The following GRK4 variants were observed in gnomAD, a reference collection of about 807,000 sequenced individuals.
GRK4 encodes G protein-coupled receptor kinase 4.
GRK4 carries 73 observed loss-of-function variants against 77.9 expected under a neutral mutation model. The ratio of observed to expected loss-of-function variants is 0.94; its 90% CI spans 0.78 to 1.14. GRK4 has a LOEUF of 1.14. Ranked by LOEUF, GRK4 falls within the 50% of genes most tolerant of loss-of-function variation. The pLI is 0.00. For missense variants in GRK4, 729 were observed against 700.2 expected, an observed-to-expected ratio of 1.04 and a Z score of -0.46; for synonymous variants, 257 against 254.4, an observed-to-expected ratio of 1.01 and a Z score of -0.10.
intron 10 of GRK4, among the ~76,000 whole-genome samples, chr4:3,026,558 T>G (rs1474338653): frequency 1.3e-5 from 2 of 152,120 alleles, no homozygotes; most frequent in Non-Finnish European, 2.9e-5. Flanking sequence ...GACCAAACCC[T>G]GTCTCTACAA....
At chr4:3,016,841 G>C (rs1734686961) in intron 8 of GRK4, among the ~76,000 whole-genome samples, 1 of 152,170 alleles carries the variant, frequency 6.6e-6, no homozygotes, top group African/African-American at 2.4e-5. Context: ...TTGCTTAAAT[G>C]CTTTGATTTC....
chr4:2,965,363 G>A (rs1422855145), intron 1 of GRK4: 1 of 703,044 alleles, frequency 1.4e-6, no homozygotes, highest in Admixed American at 2.0e-5. Flanking sequence ...TCTCAAGAGA[G>A]CTGGCGACAG....
At chr4:3,026,520 A>G (rs1737617172) in intron 10 of GRK4, among the ~76,000 whole-genome samples, 1 of 152,228 alleles carries the variant, frequency 6.6e-6, no homozygotes, top group Non-Finnish European at 1.5e-5. Flanking sequence ...GCTTGAGCCC[A>G]GGAGTTCAAG....
chr4:3,019,789 G>A lies in GRK4; in HGVS notation c.890G>A (p.Cys297Tyr), dbSNP rs150897108. 11 of 1,614,058 alleles carry A rather than the reference G, an allele frequency of 6.8e-6. No individual in the cohort carries two copies. The South Asian group carries it at 1.1e-4, about 16-fold the overall frequency. ...QRAVFYAAEL[C>Y]CGLEDLQRER... ...GCCGTTTTCTATGCTGCAGAGCTGT[G>A]TTGCGGCTTGGAAGATTTACAGAGG... Residue 297 changes from cysteine (C) to tyrosine (Y), a missense_variant, in exon 9 of 16, where the codon TGT (cysteine) becomes TAT (tyrosine). Coordinates refer to ENST00000398052, the MANE Select transcript of GRK4 (RefSeq NM_182982.3).
chr4:2,983,260 C>T (rs147935074), intron 1 of GRK4, among the ~76,000 whole-genome samples: 20 of 152,326 alleles, frequency 1.3e-4, no homozygotes, highest in South Asian at 1.0e-3. Flanking sequence ...CAGAGCTCAT[C>T]GTGTTCCAAG....
chr4:3,035,742 T>C (rs1740451965), intron 13 of GRK4, among the ~76,000 whole-genome samples: 1 of 152,044 alleles, frequency 6.6e-6, no homozygotes, highest in South Asian at 2.1e-4. Context: ...TTTTTTGTTT[T>C]TTTTTGTTTT....
intron 1 of GRK4, among the ~76,000 whole-genome samples, chr4:2,967,172 T>A (rs189625906): frequency 6.6e-6 from 1 of 152,350 alleles, no homozygotes; most frequent in Admixed American, 6.5e-5. Flanking sequence ...GATCTTGGAC[T>A]TTTTAGCTTC....
intron 5 of GRK4, 75 bp downstream of exon 5, chr4:3,004,409 T>C (rs1730708726): frequency 1.1e-6 from 1 of 947,676 alleles, no homozygotes; most frequent in Non-Finnish European, 1.7e-6. Flanking sequence ...AGGAGGTTTC[T>C]CTGCATAAGA....
chr4:3,025,602 C>T (rs1578338369), intron 10 of GRK4, among the ~76,000 whole-genome samples: 1 of 151,762 alleles, frequency 6.6e-6, no homozygotes, highest in East Asian at 2.0e-4. Context: ...CCGTGTTAGC[C>T]AGGATGGTCT....
chr4:3,014,625 C>G (rs1439658043), intron 8 of GRK4, among the ~76,000 whole-genome samples: 3 of 152,028 alleles, frequency 2.0e-5, no homozygotes, highest in Non-Finnish European at 4.4e-5. Context: ...GAAATCCCGT[C>G]TCTACTAAAA....
chr4:3,022,288 C>T, intron 9 of GRK4, 126 bp from the exon 10 acceptor site: 5 of 770,510 alleles, frequency 6.5e-6, no homozygotes, highest in Non-Finnish European at 1.1e-5. Flanking sequence ...TTTGCCGTGG[C>T]TCATGAAGGG....
At chr4:2,990,982 C>G (rs181753354) in intron 3 of GRK4, among the ~76,000 whole-genome samples, 1 of 152,324 alleles carries the variant, frequency 6.6e-6, no homozygotes, top group African/African-American at 2.4e-5. Context: ...CCCCTCATGG[C>G]ACATGGCATG....
At chr4:3,034,182 G>C (rs975309856) in intron 12 of GRK4, among the ~76,000 whole-genome samples, 2 of 152,224 alleles carry the variant, frequency 1.3e-5, no homozygotes. Context: ...GCTAAAACCT[G>C]AAGAATTTAG....
At chr4:3,018,120 A>G (rs1213363585) in intron 8 of GRK4, among the ~76,000 whole-genome samples, 1 of 146,682 alleles carries the variant, frequency 6.8e-6, no homozygotes. Flanking sequence ...TATATTGCCC[A>G]TGCTGGTCTG....
Position 3,025,669 on chromosome 4 carries a change from G to T in GRK4, c.971-2243G>T, listed in dbSNP as rs577020834. On this transcript the variant is annotated intron_variant, in intron 10 of 15. Coordinates refer to ENST00000398052, the MANE Select transcript of GRK4 (RefSeq NM_182982.3). ...GGCCTCCCAAAGTGCTGGGATTACA[G>T]GCTTGAGCACCGCGCCCGGCCAGCA... Among the ~76,000 whole-genome samples the T allele has an allele frequency of 1.2e-4, 18 of 152,130 alleles. No homozygotes were observed. In the East Asian group the frequency reaches 3.3e-3, roughly 28 times the overall value.
intron 1 of GRK4, among the ~76,000 whole-genome samples, chr4:2,977,457 C>T (rs945890301): frequency 6.6e-6 from 1 of 152,204 alleles, no homozygotes; most frequent in Non-Finnish European, 1.5e-5. Flanking sequence ...GTTAATATTT[C>T]CCTCTAGATA....
chr4:2,993,540 G>A (rs1472500638), intron 4 of GRK4, among the ~76,000 whole-genome samples: 1 of 152,150 alleles, frequency 6.6e-6, no homozygotes, highest in Non-Finnish European at 1.5e-5. Context: ...CAGGCGTGGT[G>A]GTGCATGCCT....
intron 1 of GRK4, among the ~76,000 whole-genome samples, chr4:2,977,049 GT>G (rs1168069709): frequency 6.6e-6 from 1 of 152,204 alleles, no homozygotes; most frequent in East Asian, 1.9e-4. Flanking sequence ...ACAGAGCTGA[GT>G]TTTTATCTGC....
chr4:3,017,709 G>A (rs1734937851), intron 8 of GRK4, among the ~76,000 whole-genome samples: 1 of 152,110 alleles, frequency 6.6e-6, no homozygotes, highest in Non-Finnish European at 1.5e-5. Context: ...ATCAAATAAT[G>A]TAATTTATCA....
Sources: gnomAD v4.1 joint callset for allele counts (sites outside exome capture counted in the v4.1 genomes callset) on GRCh38, gnomAD v4.1.1 for gene constraint, MANE v1.5 for transcripts, NCBI Gene and HGNC (gene_info 2026-07-23, HGNC 2026-07-21) for gene names.